Variants in CSNK1A1 observed in about 807,000 individuals in gnomAD.
CSNK1A1 encodes casein kinase 1 alpha 1, also known as casein kinase I isoform alpha.
In CSNK1A1, 7 loss-of-function variants were observed where a neutral mutation model predicts 46.1. That is an observed-to-expected ratio of 0.15 (90% CI 0.09 to 0.29). The LOEUF is 0.29. Among genes scored for constraint, CSNK1A1 ranks in the 10% least tolerant of loss-of-function variants. CSNK1A1 has a pLI of 1.00. For synonymous variants in CSNK1A1, 137 were observed against 141.5 expected (o/e 0.97, Z 0.23); for missense variants, 96 against 417.1 (o/e 0.23, Z 6.71).
At chr5:149,542,640 GTATATATATATA>G (rs1311690619) in intron 2 of CSNK1A1, among the ~76,000 whole-genome samples, 4 of 13,054 alleles carry the variant, frequency 3.1e-4, no homozygotes, top group African/African-American at 7.0e-4. Context: ...ATATATATAT[GTATATATATATA>G]TATATATATA....
intron 3 of CSNK1A1, among the ~76,000 whole-genome samples, chr5:149,524,545 T>C (rs969896902): frequency 1.3e-5 from 2 of 152,176 alleles, no homozygotes; most frequent in Non-Finnish European, 2.9e-5. Context: ...ATTTCCTAGG[T>C]CTTAAGTAAC....
chr5:149,503,098 G>A (rs777743593), intron 9 of CSNK1A1: 37 of 985,258 alleles, frequency 3.8e-5, no homozygotes, highest in Non-Finnish European at 4.2e-5. Flanking sequence ...CCACTATAGT[G>A]GACCTTAAGA....
intron 2 of CSNK1A1, among the ~76,000 whole-genome samples, chr5:149,530,764 G>A (rs1198239730): frequency 1.3e-5 from 2 of 151,692 alleles, no homozygotes; most frequent in East Asian, 3.9e-4. Context: ...CCAGGAGTTC[G>A]AGACCAGTCT....
chr5:149,548,475 G>A (rs577086006), intron 2 of CSNK1A1, among the ~76,000 whole-genome samples: 1 of 152,248 alleles, frequency 6.6e-6, no homozygotes, highest in South Asian at 2.1e-4. Flanking sequence ...GCTGAGGCAG[G>A]AGGATCACTT....
chr5:149,551,186 T>C lies in CSNK1A1; in HGVS notation c.-222A>G. On this transcript the variant is annotated 5_prime_UTR_variant, in exon 1 of 10. Transcript: ENST00000377843. ...GCCAGGCCGCAGTTTGTGAAGGGCT[T>C]CTCGGCGGTTACCAGGCTGGGCCAC... 2 of 412,500 alleles carry C rather than the reference T, an allele frequency of 4.8e-6. No homozygotes were observed. Among genetic ancestry groups the C allele is most frequent in the South Asian group, 3.7e-5 (1 of 26,946 alleles). 25.6% of individuals were successfully genotyped at this position (412,500 alleles called of 1,614,324 possible).
intron 3 of CSNK1A1, among the ~76,000 whole-genome samples, chr5:149,523,399 A>AG (rs1761633656): frequency 2.0e-5 from 3 of 152,184 alleles, no homozygotes; most frequent in African/African-American, 7.2e-5. Flanking sequence ...CTCAGGCTGG[A>AG]GTGCAGTGGC....
intron 3 of CSNK1A1, among the ~76,000 whole-genome samples, chr5:149,522,901 C>G (rs1207798709): frequency 1.3e-5 from 2 of 152,088 alleles, no homozygotes; most frequent in African/African-American, 4.8e-5. Context: ...TTTGCCACCC[C>G]AACCCCCAGC....
rs1762634476 is a variant in CSNK1A1 at position 149,550,796 on chromosome 5, T to G, written c.123+46A>C. 8 of 1,612,278 alleles carry G rather than the reference T, an allele frequency of 5.0e-6. No homozygotes were observed. Among genetic ancestry groups the G allele is most frequent in the Non-Finnish European group, 6.8e-6 (8 of 1,178,956 alleles). Reference sequence around the variant, plus strand: ...GGGTGCACGGTGGTGGTGGGGGGAATGAGTAAAAGCGCAGCGTTATCGTGA... The same window carrying G: ...GGGTGCACGGTGGTGGTGGGGGGAAGGAGTAAAAGCGCAGCGTTATCGTGA... On this transcript the variant is annotated intron_variant, in intron 1 of 9. Transcript: ENST00000377843. This position sits in a 1 kb window ranked among gnomAD's most constrained non-coding sequence, Gnocchi z 4.3.
intron 9 of CSNK1A1, chr5:149,498,232 T>G (rs1760718645): frequency 4.1e-6 from 4 of 985,398 alleles, no homozygotes; most frequent in Non-Finnish European, 4.8e-6. Context: ...TGCCCCTTTT[T>G]TTTTTTGGGA....
At chr5:149,503,203 T>C (rs1047617826) in intron 9 of CSNK1A1, 1 of 985,344 alleles carries the variant, frequency 1.0e-6, no homozygotes, top group Non-Finnish European at 1.2e-6. Flanking sequence ...AGGAGATTTC[T>C]TAAAGGATAA....
chr5:149,519,823 G>C (rs1001326793), intron 4 of CSNK1A1, among the ~76,000 whole-genome samples: 1 of 152,108 alleles, frequency 6.6e-6, no homozygotes, highest in African/African-American at 2.4e-5. Context: ...TATCAACCAT[G>C]CTCAGTCAGC....
At chr5:149,547,235 CCA>C (rs967844454) in intron 2 of CSNK1A1, among the ~76,000 whole-genome samples, 5 of 152,148 alleles carry the variant, frequency 3.3e-5, no homozygotes, top group African/African-American at 1.2e-4. Flanking sequence ...TTAGCCTCAC[CCA>C]CAGACAGCTT....
At chr5:149,511,903 G>C in intron 5 of CSNK1A1, 31 bp from the exon 6 acceptor site, 3 of 1,501,570 alleles carry the variant, frequency 2.0e-6, no homozygotes, top group Non-Finnish European at 2.8e-6. Context: ...TTATAAACTG[G>C]AACTATTATT....
intron 2 of CSNK1A1, among the ~76,000 whole-genome samples, chr5:149,536,269 A>G (rs933606725): frequency 3.3e-5 from 5 of 152,252 alleles, no homozygotes; most frequent in Admixed American, 6.5e-5. Flanking sequence ...GGTTTTCTTT[A>G]GGGTAATTTT....
chr5:149,504,409 T>C (rs1011095527), intron 9 of CSNK1A1: 1 of 982,956 alleles, frequency 1.0e-6, no homozygotes, highest in African/African-American at 1.7e-5. Flanking sequence ...GATTAATCTA[T>C]AAAGGCCAAG....
At chr5:149,509,811 G>A in intron 7 of CSNK1A1, 68 bp downstream of exon 7, 1 of 1,223,468 alleles carries the variant, frequency 8.2e-7, no homozygotes, top group Non-Finnish European at 1.2e-6. Context: ...AAAGTGCTGG[G>A]ATTACAGGTG....
chr5:149,500,617 T>C (rs1344684107), intron 9 of CSNK1A1, among the ~76,000 whole-genome samples: 1 of 151,874 alleles, frequency 6.6e-6, no homozygotes, highest in Non-Finnish European at 1.5e-5. Context: ...AAAATAGCGA[T>C]GAGGTCTCCC....
rs1760600944 is a variant in CSNK1A1, at chr5:149,494,420, A to G, written c.*2433T>C. ...CAGTAGTTAGAATGGCCATCTCCCAACATTTTAAAAAAACTGCACCCCCCA... is the reference window on the plus strand; with the variant it reads ...CAGTAGTTAGAATGGCCATCTCCCAGCATTTTAAAAAAACTGCACCCCCCA... On this transcript the variant is annotated 3_prime_UTR_variant, in exon 10 of 10. Coordinates refer to ENST00000377843, the MANE Select transcript of CSNK1A1 (RefSeq NM_001892.6). The G allele has an allele frequency of 6.6e-6, 1 of 152,172 alleles. No homozygotes were observed. The highest frequency in any genetic ancestry group is 2.1e-4 in the South Asian group (1 of 4,836). 9.4% of individuals were successfully genotyped at this position (152,172 alleles called of 1,614,324 possible).
chr5:149,534,482 C>CAAAAAAAAAAAAAAAAAAAAAA (rs10597922), intron 2 of CSNK1A1, among the ~76,000 whole-genome samples: 7 of 94,986 alleles, frequency 7.4e-5, no homozygotes, highest in African/African-American at 2.5e-4. Flanking sequence ...GACTCTGTCT[C>CAAAAAAAAAAAAAAAAAAAAAA]AAAAAAAAAA....
Sources: gnomAD v4.1 joint callset for allele counts (sites outside exome capture counted in the v4.1 genomes callset) on GRCh38, gnomAD v4.1.1 for gene constraint, Gnocchi (gnomAD v3.1) non-coding constraint, MANE v1.5 for transcripts, NCBI Gene and HGNC (gene_info 2026-07-23, HGNC 2026-07-21) for gene names.